The following OR56A3 variants were observed in gnomAD, a reference collection of about 807,000 sequenced individuals.
OR56A3 encodes olfactory receptor 56A3.
A neutral mutation model predicts 17.5 loss-of-function variants in OR56A3; 23 were observed. The ratio of observed to expected loss-of-function variants is 1.32; its 90% confidence interval spans 0.95 to 1.87. The LOEUF is 1.87. Among genes scored for constraint, OR56A3 ranks in the 40% most tolerant of loss-of-function variants. The pLI is 0.00. For missense variants in OR56A3, 366 were observed against 380.1 expected, an observed-to-expected ratio of 0.96 and a Z score of 0.31; for synonymous variants, 175 against 150.6, an observed-to-expected ratio of 1.16 and a Z score of -1.19.
downstream of OR56A3, among the ~76,000 whole-genome samples, chr11:5,953,293 A>C (rs1488833886): frequency 6.6e-6 from 1 of 152,088 alleles, no homozygotes; most frequent in Non-Finnish European, 1.5e-5. Flanking sequence ...TTTCCCTTTC[A>C]CTGCAGCCTT....
chr11:5,952,197 A>C (rs1300680412), downstream of OR56A3, among the ~76,000 whole-genome samples: 5 of 152,220 alleles, frequency 3.3e-5, no homozygotes, highest in Admixed American at 3.3e-4. Flanking sequence ...ACAATTTGAA[A>C]GTACACAGCC....
the OR56A3 span, among the ~76,000 whole-genome samples, chr11:5,979,763 T>C: frequency 6.6e-6 from 1 of 152,130 alleles, no homozygotes; most frequent in Admixed American, 6.5e-5. Flanking sequence ...TGTTTTCTTC[T>C]TGTTTTTCTA....
At chr11:5,974,700 T>G in the OR56A3 span, among the ~76,000 whole-genome samples, 5 of 152,210 alleles carry the variant, frequency 3.3e-5, no homozygotes, top group Admixed American at 3.3e-4. Flanking sequence ...GACTGTAGGC[T>G]GTCTGGGTGA....
At chr11:6,002,414 A>G in the OR56A3 span, 2 of 1,614,252 alleles carry the variant, frequency 1.2e-6, no homozygotes. Context: ...AAGTGATGTC[A>G]TCACAAGAGA....
chr11:6,011,223 C>CATATATATAT, the OR56A3 span, among the ~76,000 whole-genome samples: 1 of 145,472 alleles, frequency 6.9e-6, no homozygotes, highest in Non-Finnish European at 1.5e-5. Context: ...TATATATATA[C>CATATATATAT]ACACATATAT....
At chr11:5,976,317 G>A in the OR56A3 span, among the ~76,000 whole-genome samples, 5,262 of 152,010 alleles carry the variant, frequency 0.035, 278 homozygotes, top group African/African-American at 0.12. Context: ...AAATAGGAAG[G>A]GGTAAAAGAA....
the OR56A3 span, chr11:5,999,694 T>C: frequency 1.3e-5 from 2 of 152,350 alleles, no homozygotes; most frequent in South Asian, 2.1e-4. Context: ...AAATGAGAGA[T>C]GAGAGATCAC....
chr11:5,969,490 C>T, the OR56A3 span, among the ~76,000 whole-genome samples: 3 of 152,284 alleles, frequency 2.0e-5, no homozygotes, highest in African/African-American at 4.8e-5. Flanking sequence ...CCAGCAGAAT[C>T]GAGGCTCTAT....
chr11:5,998,952 A>C, the OR56A3 span, among the ~76,000 whole-genome samples: 1 of 152,334 alleles, frequency 6.6e-6, no homozygotes, highest in East Asian at 1.9e-4. Context: ...TGGCATTGGA[A>C]GCCTGGTAGC....
At chr11:5,968,499 T>C in the OR56A3 span, 9 of 1,544,574 alleles carry the variant, frequency 5.8e-6, no homozygotes, top group Non-Finnish European at 7.9e-6. Flanking sequence ...TGTCATGAAA[T>C]AAATCCTCAG....
At chr11:5,967,938 G>C in the OR56A3 span, 1 of 1,595,488 alleles carries the variant, frequency 6.3e-7, no homozygotes, top group Middle Eastern at 1.7e-4. Context: ...TTTAGACACA[G>C]ACACGTTAGT....
chr11:5,984,865 G>A, the OR56A3 span, among the ~76,000 whole-genome samples: 9 of 152,168 alleles, frequency 5.9e-5, no homozygotes, highest in Admixed American at 5.9e-4. Context: ...CATCAAAGTA[G>A]CAATGACTTG....
the OR56A3 span, among the ~76,000 whole-genome samples, chr11:6,005,769 C>G: frequency 3.3e-5 from 5 of 152,196 alleles, no homozygotes; most frequent in Non-Finnish European, 7.3e-5. Flanking sequence ...GGCTAGCTAG[C>G]TCTCTACCAT....
chr11:5,986,428 A>G, the OR56A3 span: 1 of 1,613,830 alleles, frequency 6.2e-7, no homozygotes, highest in African/African-American at 1.3e-5. Flanking sequence ...TAATCCCCTC[A>G]CCAGCACCAC....
At position 5,945,185 on chromosome 11, in the gene OR56A3, C is replaced by T. The variant is rs1901843; in HGVS notation, c.-37+103C>T. Reference sequence around the variant, plus strand: ...GTCCCTACCCCAAAACTTTTTTCCTCGACAGATTCAATTCTTAAAACTATC... The same window carrying T: ...GTCCCTACCCCAAAACTTTTTTCCTTGACAGATTCAATTCTTAAAACTATC... On this transcript the variant is annotated intron_variant, in intron 2 of 2. Coordinates refer to ENST00000641160, the MANE Select transcript of OR56A3 (RefSeq NM_001003443.3). The T allele has an allele frequency of 1.6e-4, 24 of 152,114 alleles. No individual in the cohort carries two copies. The East Asian group carries it at 3.9e-3, about 24-fold the overall frequency. The allele number at this position is 152,114 out of a possible 1,614,324, so 9.4% of individuals were successfully genotyped here. A position where few individuals can be genotyped will look rare whatever the true frequency, so the allele number is the denominator to read the frequency against.
rs1194101404 is a variant in OR56A3 at position 5,945,601 on chromosome 11, A to AAAAAG, written c.-37+521_-37+522insAAGAA. On this transcript the variant is annotated intron_variant, in intron 2 of 2. Transcript: ENST00000641160. ...ATATAAAAAAAAAAAAAAAAAAAAA[A>AAAAAG]AATTATTTCTTGGGTCTGAAGGAAC... Among the ~76,000 whole-genome samples, 16 of 137,244 alleles carry AAAAAG rather than the reference A, an allele frequency of 1.2e-4. 1 individual carries two copies. Among genetic ancestry groups the AAAAAG allele is most frequent in the African/African-American group, 4.3e-4 (15 of 34,836 alleles). The allele number at this position is 137,244 out of a possible 152,430, so 90.0% of individuals were successfully genotyped here. A position where few individuals can be genotyped will look rare whatever the true frequency, so the allele number is the denominator to read the frequency against.
chr11:5,942,375 G>A lies in OR56A3; in HGVS notation c.-314+1G>A, dbSNP rs546166485. 1 of 152,274 alleles carries A rather than the reference G, an allele frequency of 6.6e-6. No homozygotes were observed. Among genetic ancestry groups the A allele is most frequent in the Non-Finnish European group, 1.5e-5 (1 of 68,024 alleles). The allele number at this position is 152,274 out of a possible 1,614,324, so 9.4% of individuals were successfully genotyped here. On this transcript the variant is annotated splice_donor_variant, in intron 1 of 2. Transcript: ENST00000641160. LOFTEE classifies it low-confidence loss of function (5UTR_SPLICE). ...AAATAAAGACTGCACCCTGTCTCAG[G>A]TAAAGAGGCTTATGTGCTCTGGGAC...
the OR56A3 span, among the ~76,000 whole-genome samples, chr11:5,976,411 CTTACGGTGT>C: frequency 6.6e-6 from 1 of 152,088 alleles, no homozygotes; most frequent in Non-Finnish European, 1.5e-5. Context: ...CAATTCTTTC[CTTACGGTGT>C]TTGGTGGCTG....
the OR56A3 span, among the ~76,000 whole-genome samples, chr11:5,993,349 A>T: frequency 6.6e-6 from 1 of 152,056 alleles, no homozygotes; most frequent in South Asian, 2.1e-4. Context: ...GAAGTCAAGC[A>T]TAGATGGTGG....
Sources: allele counts gnomAD v4.1 joint callset (sites outside exome capture counted in the v4.1 genomes callset), GRCh38; gene constraint gnomAD v4.1.1; transcripts MANE v1.5; gene names NCBI Gene and HGNC (gene_info 2026-07-23, HGNC 2026-07-21).